The following GALNT13 variants were observed in gnomAD, a reference collection of about 807,000 sequenced individuals.
GALNT13 encodes the protein polypeptide N-acetylgalactosaminyltransferase 13, also known as UDP-GalNAc:polypeptide N-acetylgalactosaminyltransferase 13.
GALNT13 carries 28 observed loss-of-function variants against 64.2 expected under a neutral mutation model. The observed-to-expected ratio is 0.44, with a 90% CI of 0.32 to 0.60. The LOEUF (loss-of-function observed/expected upper bound fraction) is 0.60, where lower values mean the gene tolerates loss of function less well. Ranked by LOEUF, GALNT13 falls within the 20% of genes least tolerant of loss-of-function variation. GALNT13 has a pLI of 0.05. For missense variants in GALNT13, 577 were observed against 669.8 expected (o/e 0.86, Z 1.53); for synonymous variants, 214 against 224.6 (o/e 0.95, Z 0.42).
intron 9 of GALNT13, among the ~76,000 whole-genome samples, chr2:154,310,430 C>G (rs539565347): frequency 1.7e-3 from 252 of 152,186 alleles, no homozygotes; most frequent in African/African-American, 5.3e-3. Flanking sequence ...CATATACAGA[C>G]ACATATTCAT....
chr2:153,861,273 C>T, the GALNT13 span, among the ~76,000 whole-genome samples: 3 of 152,190 alleles, frequency 2.0e-5, no homozygotes, highest in East Asian at 1.9e-4. Flanking sequence ...ATTTTACCAA[C>T]GAAATAACTA....
the GALNT13 span, among the ~76,000 whole-genome samples, chr2:153,360,007 T>C: frequency 6.6e-6 from 1 of 152,152 alleles, no homozygotes; most frequent in African/African-American, 2.4e-5. Flanking sequence ...GGGGCCAAGA[T>C]GATCAGCTAG....
At chr2:153,683,482 A>G in the GALNT13 span, among the ~76,000 whole-genome samples, 1 of 151,760 alleles carries the variant, frequency 6.6e-6, no homozygotes, top group African/African-American at 2.4e-5. Flanking sequence ...GTTCAAGGTT[A>G]ACTTCATCTC....
chr2:153,415,051 T>C, the GALNT13 span, among the ~76,000 whole-genome samples: 1 of 152,158 alleles, frequency 6.6e-6, no homozygotes, highest in Non-Finnish European at 1.5e-5. Flanking sequence ...GTATTACTTA[T>C]TATTTAGTCT....
the GALNT13 span, among the ~76,000 whole-genome samples, chr2:153,206,306 CTT>C: frequency 6.6e-6 from 1 of 152,068 alleles, no homozygotes; most frequent in Non-Finnish European, 1.5e-5. Flanking sequence ...TGGCAGCCTG[CTT>C]TTCACTGCTT....
chr2:154,351,443 G>A (rs1696394298), intron 9 of GALNT13, among the ~76,000 whole-genome samples: 1 of 152,016 alleles, frequency 6.6e-6, no homozygotes, highest in African/African-American at 2.4e-5. Context: ...CAGCACTTTG[G>A]GAGGCCGAGA....
the GALNT13 span, among the ~76,000 whole-genome samples, chr2:153,215,194 C>T: frequency 6.6e-6 from 1 of 151,992 alleles, no homozygotes; most frequent in Non-Finnish European, 1.5e-5. Context: ...AAAAGTCCCC[C>T]TCCAGCTTCT....
intron 6 of GALNT13, among the ~76,000 whole-genome samples, chr2:154,245,529 G>A (rs1035126098): frequency 2.0e-5 from 3 of 152,114 alleles, no homozygotes; most frequent in Admixed American, 6.6e-5. Context: ...GCTGTGGGTG[G>A]AGGTTTTATA....
chr2:154,147,225 T>A (rs977353845), intron 4 of GALNT13, among the ~76,000 whole-genome samples: 5 of 151,960 alleles, frequency 3.3e-5, no homozygotes, highest in Non-Finnish European at 7.4e-5. Context: ...TTTCTAAAGT[T>A]GGTATTTTCA....
chr2:153,075,339 G>A, the GALNT13 span, among the ~76,000 whole-genome samples: 33 of 152,260 alleles, frequency 2.2e-4, no homozygotes, highest in East Asian at 6.4e-3. Context: ...AATCCATCTT[G>A]TGTGTGTACT....
chr2:153,844,053 A>G, the GALNT13 span, among the ~76,000 whole-genome samples: 1 of 152,058 alleles, frequency 6.6e-6, no homozygotes, highest in Non-Finnish European at 1.5e-5. Flanking sequence ...CTACCATTCT[A>G]ATGTCTGGAT....
chr2:153,155,128 T>C, the GALNT13 span, among the ~76,000 whole-genome samples: 4 of 152,108 alleles, frequency 2.6e-5, no homozygotes, highest in African/African-American at 9.7e-5. Context: ...GTTCAGTTTG[T>C]GAGTATTTTG....
chr2:154,280,256 C>A (rs770365104), intron 8 of GALNT13, among the ~76,000 whole-genome samples: 1 of 152,058 alleles, frequency 6.6e-6, no homozygotes, highest in African/African-American at 2.4e-5. Flanking sequence ...CTTTAATATG[C>A]CCAGTTTTGA....
At chr2:153,471,539 C>T in the GALNT13 span, among the ~76,000 whole-genome samples, 3 of 152,118 alleles carry the variant, frequency 2.0e-5, no homozygotes, top group East Asian at 5.8e-4. Context: ...TAAATGTAAA[C>T]GTTTCTAGCC....
intron 9 of GALNT13, among the ~76,000 whole-genome samples, chr2:154,387,657 T>A (rs1251949993): frequency 6.6e-6 from 1 of 152,160 alleles, no homozygotes; most frequent in Non-Finnish European, 1.5e-5. Context: ...AATCTACACA[T>A]AAGTGAGGTC....
At chr2:154,091,914 T>C (rs1224050592) in intron 3 of GALNT13, among the ~76,000 whole-genome samples, 1 of 151,810 alleles carries the variant, frequency 6.6e-6, no homozygotes, top group East Asian at 1.9e-4. Context: ...ATAGATCATT[T>C]AAATTACAGA....
the GALNT13 span, among the ~76,000 whole-genome samples, chr2:153,426,496 G>A: frequency 1.3e-5 from 2 of 152,054 alleles, no homozygotes; most frequent in South Asian, 2.1e-4. Context: ...AACTAGTCTT[G>A]TAAGTCTTTG....
the GALNT13 span, among the ~76,000 whole-genome samples, chr2:153,710,124 A>T: frequency 6.6e-6 from 1 of 152,102 alleles, no homozygotes; most frequent in African/African-American, 2.4e-5. Flanking sequence ...ATGAGAATAA[A>T]TTTCAAATGC....
chr2:153,662,725 A>AT, the GALNT13 span, among the ~76,000 whole-genome samples: 1 of 152,018 alleles, frequency 6.6e-6, no homozygotes, highest in Non-Finnish European at 1.5e-5. Context: ...ACTTGATATG[A>AT]TTTTTTTTCT....
Sources: gnomAD v4.1 joint callset for allele counts (sites outside exome capture counted in the v4.1 genomes callset) on GRCh38, gnomAD v4.1.1 for gene constraint, MANE v1.5 for transcripts, NCBI Gene and HGNC (gene_info 2026-07-23, HGNC 2026-07-21) for gene names.